Variants in RIT2 observed in about 807,000 individuals in gnomAD.
RIT2 encodes GTP-binding protein Rit2.
In RIT2, 24 loss-of-function variants were observed where a neutral mutation model predicts 23.7. The observed-to-expected ratio is 1.01, with a 90% CI of 0.73 to 1.43. The LOEUF is 1.43. Among genes scored for constraint, RIT2 ranks in the 40% most tolerant of loss-of-function variants. The pLI, the probability that RIT2 is intolerant of heterozygous loss-of-function variation, is 0.00. For missense variants in RIT2, 236 were observed against 266.9 expected (o/e 0.88, Z 0.81); for synonymous variants, 107 against 91.1 (o/e 1.17, Z -0.99).
At chr18:42,762,822 T>C (rs1346969944) in intron 4 of RIT2, among the ~76,000 whole-genome samples, 3 of 152,188 alleles carry the variant, frequency 2.0e-5, no homozygotes, top group Non-Finnish European at 2.9e-5. Flanking sequence ...CAATGCAGTA[T>C]ATATGTAACT....
chr18:42,750,684 A>T (rs1438617265), intron 4 of RIT2, among the ~76,000 whole-genome samples: 2 of 151,876 alleles, frequency 1.3e-5, no homozygotes, highest in Non-Finnish European at 3.0e-5. Context: ...ACTTTTACTT[A>T]TCATATTAGT....
chr18:43,052,020 G>A (rs1027150494), intron 1 of RIT2, among the ~76,000 whole-genome samples: 1 of 152,012 alleles, frequency 6.6e-6, no homozygotes, highest in Admixed American at 6.6e-5. Flanking sequence ...CCAGGACTCT[G>A]CCAAAGTTTT....
At chr18:42,957,373 C>A (rs1161869140) in intron 3 of RIT2, among the ~76,000 whole-genome samples, 1 of 152,000 alleles carries the variant, frequency 6.6e-6, no homozygotes, top group South Asian at 2.1e-4. Flanking sequence ...CTTGCCAATC[C>A]CTGTTGCAAC....
chr18:42,959,752 C>T (rs2144184602), intron 3 of RIT2, among the ~76,000 whole-genome samples: 1 of 152,258 alleles, frequency 6.6e-6, no homozygotes, highest in East Asian at 1.9e-4. Context: ...TGCTTAGAGG[C>T]TTATCTGTCC....
chr18:43,031,533 C>T (rs559782926), intron 2 of RIT2, among the ~76,000 whole-genome samples: 9 of 152,082 alleles, frequency 5.9e-5, no homozygotes, highest in Admixed American at 3.3e-4. Context: ...ATTATAAATT[C>T]ATTGGTTACT....
chr18:42,887,594 CAGTT>C (rs1409195694), intron 4 of RIT2, among the ~76,000 whole-genome samples: 2 of 152,122 alleles, frequency 1.3e-5, no homozygotes, highest in African/African-American at 4.8e-5. Context: ...CTTTGGAAAA[CAGTT>C]AGGCAGTCTC....
At chr18:43,065,838 G>A (rs1176688231) in intron 1 of RIT2, among the ~76,000 whole-genome samples, 1 of 152,084 alleles carries the variant, frequency 6.6e-6, no homozygotes, top group Non-Finnish European at 1.5e-5. Flanking sequence ...AGGTAGAAGT[G>A]GTAGGTGGAA....
chr18:42,972,425 T>C (rs1910383497), intron 3 of RIT2, among the ~76,000 whole-genome samples: 1 of 151,900 alleles, frequency 6.6e-6, no homozygotes, highest in Admixed American at 6.6e-5. Flanking sequence ...ATTCCAATTA[T>C]GCAGTTTTTT....
In RIT2 at chr18:43,115,536, G is replaced by C; in HGVS notation, c.-17C>G. 6.2e-7 allele frequency: 1 copy of C among 1,600,890 alleles called. No homozygotes were observed. Reference sequence around the variant, plus strand: ...TACCTCCATCTTACCCGAGGGACCGGAGGAAAAAAAGAAGGAGAAAGTCAC... The same window carrying C: ...TACCTCCATCTTACCCGAGGGACCGCAGGAAAAAAAGAAGGAGAAAGTCAC... On this transcript the variant is annotated 5_prime_UTR_variant, in exon 1 of 5. Transcript: ENST00000326695.
At chr18:42,928,820 A>T (rs1347775796) in intron 3 of RIT2, among the ~76,000 whole-genome samples, 2 of 151,698 alleles carry the variant, frequency 1.3e-5, no homozygotes, top group African/African-American at 2.4e-5. Flanking sequence ...TCAAAATATA[A>T]TTAACAAATA....
Position 43,115,568 on chromosome 18 carries a change from C to T in RIT2, c.-49G>A, listed in dbSNP as rs1441819479. The stretch of plus-strand genomic sequence containing the variant: ...AAAAGAAGGAGAAAGTCACCCGTGT[C>T]AGGTGCTTGCTCGAATATTAAGCAA... On this transcript the variant is annotated 5_prime_UTR_variant, in exon 1 of 5. Transcript: ENST00000326695. 24 of 1,591,078 alleles carry T rather than the reference C, an allele frequency of 1.5e-5. No individual in the cohort carries two copies. The highest frequency in any genetic ancestry group is 2.0e-5 in the Non-Finnish European group (24 of 1,172,678).
chr18:42,973,988 G>A, intron 3 of RIT2, 86 bp downstream of exon 3: 1 of 820,384 alleles, frequency 1.2e-6, no homozygotes, highest in Non-Finnish European at 1.9e-6. Flanking sequence ...CTTGAATAAA[G>A]TCATCTTCTC....
intron 4 of RIT2, among the ~76,000 whole-genome samples, chr18:42,847,386 T>A (rs1348572131): frequency 1.3e-5 from 2 of 152,086 alleles, no homozygotes; most frequent in Non-Finnish European, 2.9e-5. Context: ...CAGAACTAAA[T>A]TGTCTTACTG....
intron 4 of RIT2, among the ~76,000 whole-genome samples, chr18:42,789,009 A>C (rs1913981554): frequency 6.6e-6 from 1 of 152,180 alleles, no homozygotes; most frequent in Non-Finnish European, 1.5e-5. Flanking sequence ...ATTTCTAAGA[A>C]TTATTCAAAG....
intron 3 of RIT2, among the ~76,000 whole-genome samples, chr18:42,961,428 TAC>T (rs1910090927): frequency 6.6e-6 from 1 of 152,210 alleles, no homozygotes; most frequent in African/African-American, 2.4e-5. Context: ...CGAATATGAT[TAC>T]ACTCAGACTG....
At chr18:43,014,985 G>A (rs1481391538) in intron 2 of RIT2, among the ~76,000 whole-genome samples, 3 of 151,660 alleles carry the variant, frequency 2.0e-5, no homozygotes, top group Non-Finnish European at 4.4e-5. Flanking sequence ...ACATATATAT[G>A]TATTACAAAA....
At chr18:42,800,116 TG>T (rs1905484082) in intron 4 of RIT2, among the ~76,000 whole-genome samples, 1 of 152,142 alleles carries the variant, frequency 6.6e-6, no homozygotes, top group Non-Finnish European at 1.5e-5. Context: ...GATAAATAAA[TG>T]GCATTTATTT....
chr18:43,102,779 G>C (rs9945795), intron 1 of RIT2, among the ~76,000 whole-genome samples: 19,852 of 151,792 alleles, frequency 0.13, 1,570 homozygotes, highest in Non-Finnish European at 0.18. Context: ...TCAGCTTCCT[G>C]AGTAGCTGGG....
chr18:42,745,359 A>G (rs1190649678), intron 4 of RIT2, among the ~76,000 whole-genome samples: 1 of 152,168 alleles, frequency 6.6e-6, no homozygotes, highest in African/African-American at 2.4e-5. Flanking sequence ...CAACTTTTTA[A>G]ACTGTTACAA....
Sources: allele counts gnomAD v4.1 joint callset (sites outside exome capture counted in the v4.1 genomes callset), GRCh38; gene constraint gnomAD v4.1.1; transcripts MANE v1.5; gene names NCBI Gene and HGNC (gene_info 2026-07-23, HGNC 2026-07-21).